Variants in CCNB2 observed in about 807,000 individuals in gnomAD.
CCNB2 encodes G2/mitotic-specific cyclin-B2.
CCNB2 carries 39 observed loss-of-function variants against 51.1 expected under a neutral mutation model. The observed-to-expected ratio is 0.76, with a 90% CI of 0.59 to 1.00. The LOEUF (loss-of-function observed/expected upper bound fraction) is 1.00, where lower values mean the gene tolerates loss of function less well. Ranked by LOEUF, CCNB2 falls within the 50% of genes least tolerant of loss-of-function variation. The probability of loss-of-function intolerance (pLI) is 0.00; values close to 1 mark genes in which losing one functional copy is unlikely to be tolerated. For synonymous variants in CCNB2, 174 were observed against 165.5 expected (o/e 1.05, Z -0.40); for missense variants, 472 against 470.3 (o/e 1.00, Z -0.03).
chr15:59,117,739 G>T (rs1303293986), intron 7 of CCNB2, among the ~76,000 whole-genome samples: 1 of 152,190 alleles, frequency 6.6e-6, no homozygotes, highest in Admixed American at 6.5e-5. Context: ...AAAGTGCTAG[G>T]ATTTCAGGTG....
intron 7 of CCNB2, among the ~76,000 whole-genome samples, chr15:59,119,140 C>T (rs2079291466): frequency 6.6e-6 from 1 of 151,928 alleles, no homozygotes; most frequent in Non-Finnish European, 1.5e-5. Context: ...GACTTTTGAA[C>T]AATGTAAATA....
At chr15:59,109,075 G>C (rs1251917191) in intron 3 of CCNB2, among the ~76,000 whole-genome samples, 9 of 152,150 alleles carry the variant, frequency 5.9e-5, no homozygotes, top group African/African-American at 1.7e-4. Flanking sequence ...GGGGGGGACG[G>C]AGTCTTGCTC....
chr15:59,117,767 C>A (rs1399926453), intron 7 of CCNB2, among the ~76,000 whole-genome samples: 1 of 152,096 alleles, frequency 6.6e-6, no homozygotes. Flanking sequence ...CAGTGCCTGG[C>A]CTGAAGCAAT....
At chr15:59,116,042 T>C (rs1333770052) in intron 5 of CCNB2, 1 of 152,176 alleles carries the variant, frequency 6.6e-6, no homozygotes, top group Non-Finnish European at 1.5e-5. Context: ...GTGGTAGATT[T>C]TTAATAATGA....
At chr15:59,112,850 C>A (rs1263230061) in intron 3 of CCNB2, among the ~76,000 whole-genome samples, 3 of 151,204 alleles carry the variant, frequency 2.0e-5, no homozygotes, top group Non-Finnish European at 2.9e-5. Flanking sequence ...CTGGCTAACA[C>A]GGTGAAACCC....
In CCNB2 at chr15:59,114,699, CTT is replaced by C; in HGVS notation, c.439-16_439-15del. On this transcript the variant is annotated splice_polypyrimidine_tract_variant and intron_variant, in intron 4 of 8. Coordinates refer to ENST00000288207, the MANE Select transcript of CCNB2 (RefSeq NM_004701.4). ...AAGCAAACAAGGTCAGCTTTTTAAA[CTT>C]TTGATTCTACCCACAGGTTTTGCAG... is the stretch of plus-strand genomic sequence containing the variant. The C allele has an allele frequency of 6.3e-7, 1 of 1,595,084 alleles. No homozygotes were observed. The highest frequency in any genetic ancestry group is 2.3e-5 in the East Asian group (1 of 44,418).
chr15:59,124,677 C>A, intron 8 of CCNB2, 90 bp from the exon 9 acceptor site: 1 of 874,206 alleles, frequency 1.1e-6, no homozygotes, highest in Non-Finnish European at 1.9e-6. Context: ...ATGATTGTAG[C>A]CGTGGACCTT....
intron 7 of CCNB2, among the ~76,000 whole-genome samples, chr15:59,118,785 C>A (rs2079289840): frequency 6.6e-6 from 1 of 152,242 alleles, no homozygotes; most frequent in African/African-American, 2.4e-5. Flanking sequence ...CCCACACCTG[C>A]CATCTCCTCC....
chr15:59,110,249 G>A (rs2140286327), intron 3 of CCNB2, among the ~76,000 whole-genome samples: 1 of 152,220 alleles, frequency 6.6e-6, no homozygotes, highest in South Asian at 2.1e-4. Context: ...TGAGGCCACT[G>A]TTTGAGATAA....
chr15:59,111,224 A>G (rs1442871978), intron 3 of CCNB2, among the ~76,000 whole-genome samples: 3 of 152,184 alleles, frequency 2.0e-5, no homozygotes, highest in African/African-American at 7.2e-5. Context: ...TTGATGGAGA[A>G]GATCTCACTA....
intron 8 of CCNB2, chr15:59,123,845 T>C: frequency 2.1e-6 from 1 of 470,774 alleles, no homozygotes; most frequent in Non-Finnish European, 3.9e-6. Flanking sequence ...ACAAGGTCGA[T>C]AGGCTAGCCA....
intron 8 of CCNB2, 71 bp from the exon 9 acceptor site, chr15:59,124,696 G>T: frequency 1.9e-6 from 2 of 1,033,324 alleles, no homozygotes; most frequent in South Asian, 2.6e-5. Flanking sequence ...TTTGATAATT[G>T]TGAGTTAGAC....
chr15:59,118,602 T>C (rs73418888), intron 7 of CCNB2, among the ~76,000 whole-genome samples: 7,475 of 152,310 alleles, frequency 0.049, 433 homozygotes, highest in African/African-American at 0.14. Context: ...AAGAATCACT[T>C]GAACCCGGAA....
At chr15:59,117,053 C>G (rs1348804681) in intron 6 of CCNB2, 127 bp downstream of exon 6, 6 of 973,114 alleles carry the variant, frequency 6.2e-6, no homozygotes, top group Non-Finnish European at 7.8e-6. Flanking sequence ...CTTTCCTCAT[C>G]AGTTCTTAAG....
In CCNB2 at chr15:59,105,626, G is replaced by A. The variant is rs188546700; in HGVS notation, c.24+334G>A. On this transcript the variant is annotated intron_variant, in intron 1 of 8. Transcript: ENST00000288207. Reference sequence around the variant, plus strand: ...CCCGAGTGCTCTTCATTGCTAGAGAGTTATCTACTTCCACGTTCCTGGGAT... The same window carrying A: ...CCCGAGTGCTCTTCATTGCTAGAGAATTATCTACTTCCACGTTCCTGGGAT... Among the ~76,000 whole-genome samples, 8 of 152,328 alleles carry A rather than the reference G, an allele frequency of 5.3e-5. No homozygotes were observed. The East Asian group carries it at 1.5e-3, about 29-fold the overall frequency.
rs774900402 is a variant in CCNB2 at position 59,117,371 on chromosome 15, G to C, written c.975+3G>C. The stretch of plus-strand genomic sequence containing the variant: ...AGGTTCTAGGACAAGGAAAATGGGT[G>C]AGTGGTGGATTTAAGAAGAAACTAA... On this transcript the variant is annotated splice_donor_region_variant and intron_variant, in intron 7 of 8. Coordinates refer to ENST00000288207, the MANE Select transcript of CCNB2 (RefSeq NM_004701.4). 8.8e-5 allele frequency: 142 copies of C among 1,612,330 alleles called. 1 individual carries two copies. The highest frequency in any genetic ancestry group is 1.1e-4 in the Non-Finnish European group (129 of 1,178,900).
intron 7 of CCNB2, among the ~76,000 whole-genome samples, chr15:59,117,593 C>T (rs761018463): frequency 7.2e-5 from 11 of 152,118 alleles, no homozygotes; most frequent in Non-Finnish European, 8.8e-5. Flanking sequence ...CTCAGCCTCC[C>T]GAGTAGCAGG....
intron 8 of CCNB2, 156 bp from the exon 9 acceptor site, chr15:59,124,611 T>C: frequency 1.6e-6 from 1 of 644,292 alleles, no homozygotes; most frequent in Non-Finnish European, 2.8e-6. Flanking sequence ...GTCAGGCACA[T>C]GTTATGAGCC....
intron 8 of CCNB2, 41 bp downstream of exon 8, chr15:59,123,668 T>G (rs1245670010): frequency 7.9e-7 from 1 of 1,260,172 alleles, no homozygotes; most frequent in Non-Finnish European, 1.1e-6. Context: ...AAGCTTTAGG[T>G]TCTGGGTTTT....
Sources: allele counts gnomAD v4.1 joint callset (sites outside exome capture counted in the v4.1 genomes callset), GRCh38; gene constraint gnomAD v4.1.1; transcripts MANE v1.5; gene names NCBI Gene and HGNC (gene_info 2026-07-23, HGNC 2026-07-21).